EEFSEC: variants seen among roughly 807,000 people sequenced by gnomAD.
The protein encoded by EEFSEC is eukaryotic elongation factor, selenocysteine-tRNA specific.
Under a neutral mutation model 42.1 loss-of-function variants are expected in EEFSEC, and 43 were observed. That is an observed-to-expected ratio of 1.02 (90% CI 0.80 to 1.32). The LOEUF (loss-of-function observed/expected upper bound fraction) is 1.32, where lower values mean the gene tolerates loss of function less well. Ranked by LOEUF, EEFSEC falls within the 40% of genes most tolerant of loss-of-function variation. EEFSEC has a pLI of 0.00. For synonymous variants in EEFSEC, 354 were observed against 339.1 expected (o/e 1.04, Z -0.48); for missense variants, 745 against 803.6 (o/e 0.93, Z 0.88).
chr3:128,160,588 G>T (rs2065174334), intron 1 of EEFSEC, among the ~76,000 whole-genome samples: 1 of 152,198 alleles, frequency 6.6e-6, no homozygotes, highest in Non-Finnish European at 1.5e-5. Flanking sequence ...AGCAGGTGTG[G>T]TTTTCTCTAG....
At chr3:128,195,410 A>C (rs1018475552) in intron 1 of EEFSEC, among the ~76,000 whole-genome samples, 3 of 152,194 alleles carry the variant, frequency 2.0e-5, no homozygotes, top group African/African-American at 4.8e-5. Flanking sequence ...ATCTTGGAAA[A>C]TCATTATTCT....
intron 1 of EEFSEC, among the ~76,000 whole-genome samples, chr3:128,209,604 T>G (rs6767874): frequency 1.1e-3 from 166 of 152,334 alleles, no homozygotes; most frequent in African/African-American, 3.8e-3. Context: ...ATTTTTAAAT[T>G]GTAGATAATC....
intron 5 of EEFSEC, among the ~76,000 whole-genome samples, chr3:128,356,875 C>G (rs1308801763): frequency 6.6e-6 from 1 of 152,242 alleles, no homozygotes; most frequent in Non-Finnish European, 1.5e-5. Context: ...GTGGTCACAT[C>G]ATCATCTCTA....
At chr3:128,378,287 G>A (rs899879572) in intron 6 of EEFSEC, among the ~76,000 whole-genome samples, 1 of 152,148 alleles carries the variant, frequency 6.6e-6, no homozygotes, top group African/African-American at 2.4e-5. Flanking sequence ...CCCAGACCCA[G>A]GGCCTGTCAT....
At chr3:128,413,773 A>G in the EEFSEC span, among the ~76,000 whole-genome samples, 1 of 151,812 alleles carries the variant, frequency 6.6e-6, no homozygotes, top group African/African-American at 2.4e-5. Flanking sequence ...CATTCCATAG[A>G]CTCGGCCCCG....
At position 128,178,192 on chromosome 3, in the gene EEFSEC, G is replaced by A. The variant is rs181826216; in HGVS notation, c.316+24369G>A. 1.9e-4 allele frequency among the ~76,000 whole-genome samples: 29 copies of A among 152,176 alleles called. 1 individual carries two copies. Among genetic ancestry groups the A allele is most frequent in the Non-Finnish European group, 3.4e-4 (23 of 68,000 alleles). ...GAAGGTTTTATTATTTTATAAATGAGGTCTTTTTAATTGCCTTAAAAGACT... is the reference window on the plus strand; with the variant it reads ...GAAGGTTTTATTATTTTATAAATGAAGTCTTTTTAATTGCCTTAAAAGACT... On this transcript the variant is annotated intron_variant, in intron 1 of 6. Coordinates refer to ENST00000254730, the MANE Select transcript of EEFSEC (RefSeq NM_021937.5).
chr3:128,199,416 T>C lies in EEFSEC; in HGVS notation c.316+45593T>C, dbSNP rs942269483. Among the ~76,000 whole-genome samples the C allele has an allele frequency of 2.6e-5, 4 of 152,220 alleles. No homozygotes were observed. The South Asian group carries it at 8.3e-4, about 31-fold the overall frequency. ...GTTTTTAAAGTTAAGTGTGGGGCTA[T>C]ACTACATCTGCTATTTTGCATTTTG... On this transcript the variant is annotated intron_variant, in intron 1 of 6. Coordinates refer to ENST00000254730, the MANE Select transcript of EEFSEC (RefSeq NM_021937.5).
intron 1 of EEFSEC, among the ~76,000 whole-genome samples, chr3:128,214,832 T>G (rs2065793222): frequency 1.3e-5 from 2 of 152,200 alleles, no homozygotes; most frequent in South Asian, 4.1e-4. Flanking sequence ...GAAGGCTCTT[T>G]GAAGATGGTG....
chr3:128,317,777 T>G lies in EEFSEC; in HGVS notation c.787-23456T>G, dbSNP rs1252326692. Among the ~76,000 whole-genome samples the G allele has an allele frequency of 2.0e-5, 3 of 152,246 alleles. No homozygotes were observed. Among genetic ancestry groups the G allele is most frequent in the Non-Finnish European group, 4.4e-5 (3 of 68,038 alleles). ...TGACCAGTTGGGCCCTCTGCAGGCC[T>G]CAGGGCCTTTGCCCCCTTCAGCCTT... On this transcript the variant is annotated intron_variant, in intron 4 of 6. Coordinates refer to ENST00000254730, the MANE Select transcript of EEFSEC (RefSeq NM_021937.5). This position sits in a 1 kb window ranked among gnomAD's most constrained non-coding sequence, Gnocchi z 4.1.
chr3:128,303,857 A>G (rs889940934), intron 4 of EEFSEC, among the ~76,000 whole-genome samples: 2 of 152,172 alleles, frequency 1.3e-5, no homozygotes, highest in African/African-American at 2.4e-5. Flanking sequence ...TTTTGACACA[A>G]GGAGAAAGCA....
At chr3:128,223,297 A>G (rs552814392) in intron 1 of EEFSEC, among the ~76,000 whole-genome samples, 1 of 152,312 alleles carries the variant, frequency 6.6e-6, no homozygotes, top group South Asian at 2.1e-4. Flanking sequence ...TCTTACCCTT[A>G]TAATAAAACT....
chr3:128,182,803 A>G (rs537576531), intron 1 of EEFSEC, among the ~76,000 whole-genome samples: 15 of 142,746 alleles, frequency 1.1e-4, no homozygotes, highest in Non-Finnish European at 1.8e-4. Flanking sequence ...GGCTCCCACC[A>G]GCCCTGCTGC....
At chr3:128,241,485 A>G (rs1176411926) in intron 1 of EEFSEC, among the ~76,000 whole-genome samples, 1 of 152,164 alleles carries the variant, frequency 6.6e-6, no homozygotes, top group Non-Finnish European at 1.5e-5. Flanking sequence ...TGCTGGGATT[A>G]CAAACGTGTG....
downstream of EEFSEC, among the ~76,000 whole-genome samples, chr3:128,410,707 A>C (rs958583131): frequency 6.6e-6 from 1 of 152,120 alleles, no homozygotes; most frequent in Non-Finnish European, 1.5e-5. Flanking sequence ...TGCTGACCCC[A>C]CATTACCTGC....
chr3:128,370,135 C>T (rs1312428093), intron 6 of EEFSEC, among the ~76,000 whole-genome samples: 1 of 152,224 alleles, frequency 6.6e-6, no homozygotes, highest in Non-Finnish European at 1.5e-5. Context: ...GGTTGTTTCC[C>T]AGTGCACTCT....
chr3:128,422,620 A>C, the EEFSEC span, among the ~76,000 whole-genome samples: 1 of 152,174 alleles, frequency 6.6e-6, no homozygotes, highest in East Asian at 1.9e-4. Context: ...GCCCTGGCCC[A>C]TTAGTTTATT....
chr3:128,417,093 A>C, the EEFSEC span, among the ~76,000 whole-genome samples: 1 of 152,072 alleles, frequency 6.6e-6, no homozygotes, highest in Non-Finnish European at 1.5e-5. The surrounding 1 kb of genome is among the most constrained non-coding windows in gnomAD (Gnocchi z 4.3). Flanking sequence ...CATGGCCACC[A>C]GCCCAGCCAG....
intron 4 of EEFSEC, among the ~76,000 whole-genome samples, chr3:128,301,095 G>C (rs1409424801): frequency 6.6e-6 from 1 of 152,158 alleles, no homozygotes; most frequent in East Asian, 1.9e-4. Flanking sequence ...TGGTAATGTG[G>C]TTATTTGCAC....
At chr3:128,308,347 G>A (rs2066854396) in intron 4 of EEFSEC, among the ~76,000 whole-genome samples, 1 of 152,250 alleles carries the variant, frequency 6.6e-6, no homozygotes, top group Non-Finnish European at 1.5e-5. Flanking sequence ...TGGATTGGAT[G>A]TGTCAGGGGA....
Sources: gnomAD v4.1 joint callset for allele counts (sites outside exome capture counted in the v4.1 genomes callset) on GRCh38, gnomAD v4.1.1 for gene constraint, Gnocchi (gnomAD v3.1) non-coding constraint, MANE v1.5 for transcripts, NCBI Gene and HGNC (gene_info 2026-07-23, HGNC 2026-07-21) for gene names.